The following ILDR1 variants were observed in gnomAD, a reference collection of about 807,000 sequenced individuals.
ILDR1 encodes immunoglobulin-like domain-containing receptor 1.
Under a neutral mutation model 62.4 loss-of-function variants are expected in ILDR1, and 56 were observed. The observed-to-expected ratio is 0.90, with a 90% CI of 0.72 to 1.12. The LOEUF (loss-of-function observed/expected upper bound fraction) is 1.12, where lower values mean the gene tolerates loss of function less well. Among genes scored for constraint, ILDR1 ranks in the 50% most tolerant of loss-of-function variants. The pLI, the probability that ILDR1 is intolerant of heterozygous loss-of-function variation, is 0.00. For missense variants in ILDR1, 736 were observed against 710.6 expected (o/e 1.04, Z -0.41); for synonymous variants, 284 against 277.8 (o/e 1.02, Z -0.22).
At chr3:121,999,186 T>G (rs1043588503) in intron 5 of ILDR1, among the ~76,000 whole-genome samples, 1 of 152,212 alleles carries the variant, frequency 6.6e-6, no homozygotes, top group Non-Finnish European at 1.5e-5. Context: ...TAATAGGTCA[T>G]TCATTATTTT....
chr3:122,048,013 C>A, the ILDR1 span, among the ~76,000 whole-genome samples: 3 of 152,336 alleles, frequency 2.0e-5, no homozygotes, highest in East Asian at 3.9e-4. Flanking sequence ...ATGAAGTAGG[C>A]AGACTTACCT....
At chr3:121,999,466 T>C (rs1444025317) in intron 5 of ILDR1, among the ~76,000 whole-genome samples, 1 of 152,248 alleles carries the variant, frequency 6.6e-6, no homozygotes, top group Admixed American at 6.5e-5. Context: ...TTACCATGTA[T>C]TCTGTAGCCA....
At chr3:122,011,677 T>TACACACACACA (rs139879742) in intron 1 of ILDR1, among the ~76,000 whole-genome samples, 3 of 133,138 alleles carry the variant, frequency 2.3e-5, no homozygotes, top group African/African-American at 8.9e-5. Context: ...TCTCTCTCTT[T>TACACACACACA]CACACACACA....
chr3:122,021,981 C>T (rs1332648530), intron 1 of ILDR1, 39 bp downstream of exon 1: 1 of 1,584,402 alleles, frequency 6.3e-7, no homozygotes, highest in Non-Finnish European at 8.6e-7. Flanking sequence ...CTTCCTGTCT[C>T]CTTGGGTCCA....
the ILDR1 span, among the ~76,000 whole-genome samples, chr3:122,029,504 T>TAAAAAAA: frequency 0.022 from 3,053 of 138,266 alleles, 118 homozygotes; most frequent in African/African-American, 0.083. Flanking sequence ...ACACTCCGTC[T>TAAAAAAA]AAAAAAAATA....
At chr3:122,019,783 G>C (rs759859346) in intron 1 of ILDR1, among the ~76,000 whole-genome samples, 6 of 152,216 alleles carry the variant, frequency 3.9e-5, no homozygotes, top group Non-Finnish European at 8.8e-5. Flanking sequence ...GGAACTTGGA[G>C]GCTAATCAGA....
the ILDR1 span, chr3:122,055,498 C>T: frequency 4.3e-6 from 7 of 1,613,830 alleles, no homozygotes; most frequent in Non-Finnish European, 5.9e-6. Flanking sequence ...AAATGGATCC[C>T]CAGTGGTGAG....
chr3:122,043,081 T>C, the ILDR1 span, among the ~76,000 whole-genome samples: 10 of 140,578 alleles, frequency 7.1e-5, no homozygotes, highest in African/African-American at 2.4e-4. Context: ...CCATCTTGAA[T>C]TGATTTTTGT....
intron 1 of ILDR1, among the ~76,000 whole-genome samples, chr3:122,017,331 G>T (rs1305119443): frequency 1.3e-5 from 2 of 151,408 alleles, no homozygotes; most frequent in Non-Finnish European, 2.9e-5. Flanking sequence ...TTACAGGCGT[G>T]AGCCACCGTG....
intron 2 of ILDR1, among the ~76,000 whole-genome samples, chr3:122,005,918 AAAACAAAAAC>A (rs2071601975): frequency 6.8e-6 from 1 of 146,490 alleles, no homozygotes; most frequent in Non-Finnish European, 1.5e-5. Flanking sequence ...AACAAAAACA[AAAACAAAAAC>A]AAACAAACAA....
Position 121,994,219 on chromosome 3 carries a change from C to T in ILDR1, c.741G>A (p.Gln247=), listed in dbSNP as rs1394108682. ...GCGGGTGCATTGGATAAGATGAAAC[C>T]TGGGAGCTCCTGTCCGCCCCCCAGT... The part of the protein sequence containing the change: ...PLYWGADRSS[Q]VSSYPMHPLL... The change falls in exon 6 of 8, where the codon CAG becomes CAA. Residue 247 remains glutamine (Q), a synonymous_variant. Coordinates refer to ENST00000344209, the MANE Select transcript of ILDR1 (RefSeq NM_001199799.2). The T allele has an allele frequency of 1.3e-6, 2 of 1,536,090 alleles. No individual in the cohort carries two copies. Among genetic ancestry groups the T allele is most frequent in the Admixed American group, 2.0e-5 (1 of 51,004 alleles).
chr3:122,005,434 GGTTCCC>G (rs1378816069), intron 2 of ILDR1, 41 bp from the exon 3 acceptor site: 1 of 1,609,818 alleles, frequency 6.2e-7, no homozygotes. Flanking sequence ...AGCAATAGGG[GGTTCCC>G]ACAAAAAAAA....
At chr3:122,030,850 C>T in the ILDR1 span, among the ~76,000 whole-genome samples, 2 of 152,076 alleles carry the variant, frequency 1.3e-5, no homozygotes, top group Non-Finnish European at 2.9e-5. Context: ...ATTAAAGTTC[C>T]CAGGTGGTTC....
chr3:122,051,240 A>G, the ILDR1 span, among the ~76,000 whole-genome samples: 1 of 152,156 alleles, frequency 6.6e-6, no homozygotes. Context: ...TCTTTCTTGG[A>G]CTGCTCTAAT....
intron 1 of ILDR1, among the ~76,000 whole-genome samples, chr3:122,010,371 T>A (rs1045302235): frequency 2.0e-5 from 3 of 152,112 alleles, no homozygotes; most frequent in Non-Finnish European, 4.4e-5. Context: ...GTGGTGTTTT[T>A]AGGAAGATAG....
chr3:122,033,799 C>T, the ILDR1 span, among the ~76,000 whole-genome samples: 2 of 152,172 alleles, frequency 1.3e-5, no homozygotes, highest in African/African-American at 2.4e-5. Flanking sequence ...AGTGACCATA[C>T]ATGTGTAAAT....
chr3:122,008,747 T>C (rs2071656450), intron 1 of ILDR1, among the ~76,000 whole-genome samples: 1 of 149,884 alleles, frequency 6.7e-6, no homozygotes, highest in African/African-American at 2.5e-5. Flanking sequence ...GCGCCTACCA[T>C]CACACCTGGC....
At chr3:122,005,444 A>T (rs952425415) in intron 2 of ILDR1, 51 bp from the exon 3 acceptor site, 6 of 1,607,438 alleles carry the variant, frequency 3.7e-6, no homozygotes, top group Non-Finnish European at 5.1e-6. Flanking sequence ...GGTTCCCACA[A>T]AAAAAAGGTT....
chr3:122,016,518 C>G (rs2071779335), intron 1 of ILDR1, among the ~76,000 whole-genome samples: 1 of 152,182 alleles, frequency 6.6e-6, no homozygotes, highest in Non-Finnish European at 1.5e-5. Flanking sequence ...AAATGGTTAA[C>G]ATTAACCATG....
Sources: gnomAD v4.1 joint callset for allele counts (sites outside exome capture counted in the v4.1 genomes callset) on GRCh38, gnomAD v4.1.1 for gene constraint, MANE v1.5 for transcripts, NCBI Gene and HGNC (gene_info 2026-07-23, HGNC 2026-07-21) for gene names.